The following DCC variants were observed in gnomAD, a reference collection of about 807,000 sequenced individuals.
The protein encoded by DCC is netrin receptor DCC.
In DCC, 58 loss-of-function variants were observed where a neutral mutation model predicts 172.5. The ratio of observed to expected loss-of-function variants is 0.34; its 90% CI spans 0.27 to 0.42. The LOEUF (loss-of-function observed/expected upper bound fraction) is 0.42. Among genes scored for constraint, DCC ranks in the 10% least tolerant of loss-of-function variants. The pLI, the probability that DCC is intolerant of heterozygous loss-of-function variation, is 1.00. For synonymous variants in DCC, 709 were observed against 644.5 expected, an observed-to-expected ratio of 1.10 and a Z score of -1.52; for missense variants, 1,740 against 1,791.0, an observed-to-expected ratio of 0.97 and a Z score of 0.51.
At chr18:52,681,288 T>A (rs577646119) in intron 1 of DCC, among the ~76,000 whole-genome samples, 1 of 152,040 alleles carries the variant, frequency 6.6e-6, no homozygotes, top group African/African-American at 2.4e-5. Flanking sequence ...TCCCTTATCC[T>A]CCGTCCATTG....
chr18:53,063,535 G>GAAA (rs57166441), intron 6 of DCC, 76 bp downstream of exon 6: 44 of 966,912 alleles, frequency 4.6e-5, no homozygotes, highest in Non-Finnish European at 6.3e-5. Flanking sequence ...TTTATTTCTT[G>GAAA]AAAAAAAAAA....
chr18:53,483,000 A>C (rs957664095), intron 25 of DCC, among the ~76,000 whole-genome samples: 2 of 152,004 alleles, frequency 1.3e-5, no homozygotes, highest in Non-Finnish European at 2.9e-5. Context: ...CAGTGTGTTA[A>C]AATGACAGAT....
intron 21 of DCC, among the ~76,000 whole-genome samples, chr18:53,420,642 T>G (rs571850857): frequency 3.0e-4 from 46 of 152,290 alleles, no homozygotes; most frequent in African/African-American, 1.1e-3. Flanking sequence ...CTCTGGTGTC[T>G]CCTCTTCAGA....
intron 20 of DCC, among the ~76,000 whole-genome samples, chr18:53,415,414 G>C (rs2145065386): frequency 6.6e-6 from 1 of 151,880 alleles, no homozygotes; most frequent in East Asian, 1.9e-4. Context: ...GATCTGCCTT[G>C]GTCAAAATGC....
chr18:53,148,766 G>A (rs1376815462), intron 7 of DCC, among the ~76,000 whole-genome samples: 1 of 151,674 alleles, frequency 6.6e-6, no homozygotes, highest in Admixed American at 6.6e-5. Context: ...AGAGAAGGAT[G>A]TACAAGTGAC....
At chr18:52,646,956 G>C (rs553757590) in intron 1 of DCC, among the ~76,000 whole-genome samples, 1 of 152,104 alleles carries the variant, frequency 6.6e-6, no homozygotes, top group Non-Finnish European at 1.5e-5. Flanking sequence ...AAGACACTTC[G>C]ATAGCATGAA....
intron 27 of DCC, among the ~76,000 whole-genome samples, chr18:53,516,030 C>T (rs1392389080): frequency 2.0e-5 from 3 of 147,426 alleles, no homozygotes; most frequent in African/African-American, 8.0e-5. Context: ...GGAGGCATCA[C>T]ACTACCTGAC....
At chr18:52,629,949 C>CAAAAAAAA (rs540334133) in intron 1 of DCC, among the ~76,000 whole-genome samples, 1 of 40,912 alleles carries the variant, frequency 2.4e-5, no homozygotes, top group African/African-American at 9.7e-5. Flanking sequence ...GACTCCGTCT[C>CAAAAAAAA]AAAAAAAAAA....
intron 1 of DCC, among the ~76,000 whole-genome samples, chr18:52,448,092 C>T (rs1395187262): frequency 2.0e-5 from 3 of 152,176 alleles, no homozygotes; most frequent in Admixed American, 6.5e-5. Flanking sequence ...GGCCGCACAG[C>T]AGGAGGGGAG....
intron 27 of DCC, 102 bp from the exon 28 acceptor site, chr18:53,526,515 C>T: frequency 7.9e-7 from 1 of 1,258,692 alleles, no homozygotes; most frequent in Non-Finnish European, 1.2e-6. Context: ...TGAGCAATAA[C>T]CTAAAATCAA....
chr18:53,131,845 C>T (rs374911226), intron 7 of DCC, among the ~76,000 whole-genome samples: 8 of 150,992 alleles, frequency 5.3e-5, no homozygotes, highest in East Asian at 3.9e-4. Context: ...CAGCAAAGGC[C>T]GAATTTGTCT....
chr18:53,330,376 A>C (rs778756938), intron 14 of DCC, among the ~76,000 whole-genome samples: 13 of 152,020 alleles, frequency 8.6e-5, no homozygotes, highest in African/African-American at 3.1e-4. Flanking sequence ...CCATTCAATC[A>C]CCAAGATCTG....
intron 1 of DCC, among the ~76,000 whole-genome samples, chr18:52,358,896 G>T (rs987549521): frequency 1.3e-5 from 2 of 152,192 alleles, no homozygotes; most frequent in Admixed American, 6.5e-5. Context: ...CAGTGCCTGA[G>T]CATTATTACT....
intron 1 of DCC, among the ~76,000 whole-genome samples, chr18:52,603,037 G>A (rs2034050882): frequency 6.6e-6 from 1 of 152,018 alleles, no homozygotes; most frequent in African/African-American, 2.4e-5. Context: ...CCTTGGATGA[G>A]TCAAAACACA....
In DCC at chr18:52,957,594, T is replaced by C. The variant is rs1050656089; in HGVS notation, c.985+32224T>C. 2.6e-5 allele frequency among the ~76,000 whole-genome samples: 4 copies of C among 152,128 alleles called. No individual in the cohort carries two copies. The East Asian group carries it at 5.8e-4, about 22-fold the overall frequency. On this transcript the variant is annotated intron_variant, in intron 5 of 28. Transcript: ENST00000442544. ...CTTTTGATCACATATCTCACAAATA[T>C]TGTAAATGTGATTTTAAGAGAAGAC...
At chr18:52,672,642 C>T (rs2035574237) in intron 1 of DCC, among the ~76,000 whole-genome samples, 1 of 150,868 alleles carries the variant, frequency 6.6e-6, no homozygotes. Flanking sequence ...CCTCTTTCCT[C>T]TTTTTCCCCT....
At chr18:53,066,987 A>G (rs556714200) in intron 7 of DCC, among the ~76,000 whole-genome samples, 2 of 152,110 alleles carry the variant, frequency 1.3e-5, no homozygotes, top group East Asian at 1.9e-4. Flanking sequence ...TCTCATGAGA[A>G]CTCAGTCACT....
chr18:52,846,685 G>T (rs185014612), intron 2 of DCC, among the ~76,000 whole-genome samples: 5 of 149,440 alleles, frequency 3.3e-5, no homozygotes, highest in Non-Finnish European at 5.9e-5. Context: ...CTCTCGCAGA[G>T]ATTGGGAGCT....
intron 27 of DCC, among the ~76,000 whole-genome samples, chr18:53,523,733 G>A (rs1385004742): frequency 6.6e-5 from 10 of 151,972 alleles, no homozygotes; most frequent in Admixed American, 6.6e-4. Context: ...ACAGGGAGGA[G>A]AACATCACAC....
Sources: allele counts gnomAD v4.1 joint callset (sites outside exome capture counted in the v4.1 genomes callset), GRCh38; gene constraint gnomAD v4.1.1; transcripts MANE v1.5; gene names NCBI Gene and HGNC (gene_info 2026-07-23, HGNC 2026-07-21).